Variants in KLHL13 observed in about 807,000 individuals in gnomAD.
The protein encoded by KLHL13 is kelch-like protein 13.
In KLHL13, 10 loss-of-function variants were observed where a neutral mutation model predicts 37.1. The ratio of observed to expected loss-of-function variants is 0.27; its 90% CI spans 0.17 to 0.46. KLHL13 has a LOEUF of 0.46. KLHL13 is among the 20% of genes least tolerant of loss of function. The pLI is 1.00. For synonymous variants in KLHL13, 163 were observed against 181.2 expected (o/e 0.90, Z 0.81); for missense variants, 360 against 509.3 (o/e 0.71, Z 2.82).
chrX:118,039,999 G>A (rs939306049), intron 1 of KLHL13, among the ~76,000 whole-genome samples: 6 of 111,537 alleles, frequency 5.4e-5, no homozygotes, highest in African/African-American at 1.6e-4. Context: ...AACCAAGGCA[G>A]TATCTCCAAG....
At chrX:118,084,844 T>C (rs1472251937) in intron 1 of KLHL13, among the ~76,000 whole-genome samples, 1 of 110,284 alleles carries the variant, frequency 9.1e-6, no homozygotes, top group African/African-American at 3.3e-5. Context: ...CTGGCCAATA[T>C]GGAGAAACCC....
chrX:117,920,216 A>C, intron 3 of KLHL13, 22 bp downstream of exon 4: 2 of 1,196,073 alleles, frequency 1.7e-6, no homozygotes, highest in Non-Finnish European at 2.3e-6. Context: ...ATGTGGTTTC[A>C]GAGTTTTAAA....
At chrX:118,057,539 C>T (rs186902841) in intron 1 of KLHL13, among the ~76,000 whole-genome samples, 25 of 112,003 alleles carry the variant, frequency 2.2e-4, no homozygotes, top group African/African-American at 7.8e-4. Context: ...TGTGAAAAAT[C>T]GGCCGGGGCC....
intron 1 of KLHL13, among the ~76,000 whole-genome samples, chrX:118,089,628 A>C (rs1569313903): frequency 1.2e-5 from 1 of 84,266 alleles, no homozygotes; most frequent in Non-Finnish European, 2.4e-5. Flanking sequence ...AAGAGAAAGA[A>C]AGAAAGAAAG....
chrX:118,099,067 A>T (rs1451374015), intron 1 of KLHL13, among the ~76,000 whole-genome samples: 2 of 108,802 alleles, frequency 1.8e-5, no homozygotes, highest in African/African-American at 6.7e-5. Context: ...TATGTAACAA[A>T]CCTGCACGTT....
intron 1 of KLHL13, among the ~76,000 whole-genome samples, chrX:118,097,820 C>A (rs1238166991): frequency 9.0e-5 from 10 of 111,689 alleles, no homozygotes; most frequent in Non-Finnish European, 5.6e-5. Flanking sequence ...GGAAAACAAG[C>A]AATGGGGAAA....
intron 1 of KLHL13, among the ~76,000 whole-genome samples, chrX:118,021,144 TA>T (rs1202266104): frequency 9.3e-6 from 1 of 107,872 alleles, no homozygotes. Flanking sequence ...AGTATAATAA[TA>T]AAAAAATACA....
intron 1 of KLHL13, among the ~76,000 whole-genome samples, chrX:117,952,790 A>G (rs1160557920): frequency 9.2e-6 from 1 of 108,812 alleles, no homozygotes; most frequent in African/African-American, 3.3e-5. Flanking sequence ...TGCAGCCAAA[A>G]GACACATGAA....
chrX:118,116,176 C>G (rs1372638379), intron 1 of KLHL13, among the ~76,000 whole-genome samples: 2 of 111,010 alleles, frequency 1.8e-5, no homozygotes, highest in Non-Finnish European at 3.8e-5. Flanking sequence ...CCCAGACCGT[C>G]AGGGCAGCAA....
intron 1 of KLHL13, among the ~76,000 whole-genome samples, chrX:117,981,204 A>G (rs188296223): frequency 2.7e-5 from 3 of 112,346 alleles, no homozygotes; most frequent in African/African-American, 9.7e-5. Context: ...CAACATCATT[A>G]GCACATGCCA....
chrX:117,932,347 C>A (rs2147753300), intron 2 of KLHL13, among the ~76,000 whole-genome samples: 1 of 111,364 alleles, frequency 9.0e-6, no homozygotes, highest in Non-Finnish European at 1.9e-5. Context: ...CTCTCCCCTA[C>A]CCTCCCCAGT....
chrX:117,985,148 A>G (rs2147934718), intron 1 of KLHL13: 1 of 601,709 alleles, frequency 1.7e-6, no homozygotes, highest in East Asian at 3.8e-5. Context: ...TGATTTTTGT[A>G]TATCGCTTCA....
intron 1 of KLHL13, among the ~76,000 whole-genome samples, chrX:118,037,626 G>A (rs933419043): frequency 2.7e-5 from 3 of 110,702 alleles, no homozygotes; most frequent in Non-Finnish European, 5.7e-5. Flanking sequence ...GATAGCATTG[G>A]GAGATACACC....
intron 1 of KLHL13, among the ~76,000 whole-genome samples, chrX:117,999,986 G>C (rs375443331): frequency 9.0e-6 from 1 of 111,717 alleles, no homozygotes; most frequent in African/African-American, 3.3e-5. Flanking sequence ...TCTTCTTTAA[G>C]ATTATTATTT....
intron 1 of KLHL13, among the ~76,000 whole-genome samples, chrX:117,982,159 A>C (rs979975415): frequency 9.1e-6 from 1 of 109,807 alleles, no homozygotes; most frequent in African/African-American, 3.3e-5. Context: ...CTAGATATAC[A>C]CATAGGAAAC....
At chrX:118,026,583 G>T (rs1569295740) in intron 1 of KLHL13, among the ~76,000 whole-genome samples, 1 of 111,957 alleles carries the variant, frequency 8.9e-6, no homozygotes, top group Non-Finnish European at 1.9e-5. Context: ...TGCCCCCAAA[G>T]AAATCAGCAG....
chrX:118,042,614 C>T (rs2054516569), intron 1 of KLHL13, among the ~76,000 whole-genome samples: 2 of 111,178 alleles, frequency 1.8e-5, no homozygotes, highest in South Asian at 7.6e-4. Context: ...ATCAGTGGGT[C>T]AATGAAGAAA....
chrX:118,086,583 G>C (rs2055057064), intron 1 of KLHL13, among the ~76,000 whole-genome samples: 2 of 111,855 alleles, frequency 1.8e-5, no homozygotes, highest in South Asian at 7.3e-4. Flanking sequence ...TCCTGATATA[G>C]AAATATTTAT....
At chrX:118,084,932 A>C (rs2055037022) in intron 1 of KLHL13, among the ~76,000 whole-genome samples, 1 of 109,874 alleles carries the variant, frequency 9.1e-6, no homozygotes, top group Non-Finnish European at 1.9e-5. Context: ...GCTGAGGCAA[A>C]GAATCACTTG....
Sources: allele counts gnomAD v4.1 joint callset (sites outside exome capture counted in the v4.1 genomes callset), GRCh38; gene constraint gnomAD v4.1.1; transcripts MANE v1.5; gene names NCBI Gene and HGNC (gene_info 2026-07-23, HGNC 2026-07-21).